The following LBP variants were observed in gnomAD, a reference collection of about 807,000 sequenced individuals.
LBP encodes the protein lipopolysaccharide binding protein.
LBP carries 53 observed loss-of-function variants against 56.6 expected under a neutral mutation model. The ratio of observed to expected loss-of-function variants is 0.94; its 90% confidence interval spans 0.75 to 1.18. The LOEUF (loss-of-function observed/expected upper bound fraction) is 1.18, where lower values mean the gene tolerates loss of function less well. Ranked by LOEUF, LBP falls within the 50% of genes most tolerant of loss-of-function variation. The pLI is 0.00. For missense variants in LBP, 601 were observed against 598.3 expected, an observed-to-expected ratio of 1.00 and a Z score of -0.05; for synonymous variants, 227 against 247.5, an observed-to-expected ratio of 0.92 and a Z score of 0.78.
intron 3 of LBP, among the ~76,000 whole-genome samples, chr20:38,353,627 C>T (rs1011679951): frequency 6.6e-6 from 1 of 151,468 alleles, no homozygotes; most frequent in Non-Finnish European, 1.5e-5. Flanking sequence ...TATGTTAGAA[C>T]GAGGAGAGAT....
intron 11 of LBP, 28 bp from the exon 12 acceptor site, chr20:38,371,251 AC>A (rs772693417): frequency 6.2e-7 from 1 of 1,602,778 alleles, no homozygotes; most frequent in South Asian, 1.1e-5. Flanking sequence ...TAAAGCCCAC[AC>A]CTTTTAATCT....
intron 7 of LBP, among the ~76,000 whole-genome samples, chr20:38,364,356 G>T (rs183920320): frequency 3.6e-4 from 54 of 151,360 alleles, no homozygotes; most frequent in African/African-American, 1.3e-3. Context: ...AGTGTAGATG[G>T]GCCTAGGGCA....
At chr20:38,362,053 C>CTTTTTTTTTTT (rs1229689650) in intron 6 of LBP, among the ~76,000 whole-genome samples, 2 of 117,672 alleles carry the variant, frequency 1.7e-5, no homozygotes, top group East Asian at 2.5e-4. Flanking sequence ...TTTTTGTTTT[C>CTTTTTTTTTTT]TTTTTTTTTT....
chr20:38,356,873 T>C (rs970977402), intron 5 of LBP, among the ~76,000 whole-genome samples: 5 of 152,116 alleles, frequency 3.3e-5, no homozygotes, highest in Admixed American at 2.0e-4. Flanking sequence ...TTTTTTTAAT[T>C]GAGACAGAGT....
rs2232615 is a variant in LBP at position 38,369,104 on chromosome 20, T to C, written c.1091T>C (p.Ile364Thr). Reference protein sequence around the residue: ...GNLSVDPYMEIDAFVLLPSSS... With the variant: ...GNLSVDPYMETDAFVLLPSSS... ...CTGTCTGTGGACCCCTATATGGAGA[T>C]AGATGCCTTTGTGCTCCTGCCCAGC... Residue 364 changes from isoleucine (I) to threonine (T), a missense_variant, in exon 10 of 15, where the codon ATA (isoleucine) becomes ACA (threonine). Transcript: ENST00000217407. 1,085 of 1,614,186 alleles carry C rather than the reference T, an allele frequency of 6.7e-4. 8 individuals carry two copies. In the African/African-American group the frequency reaches 0.013, roughly 19 times the overall value.
At chr20:38,355,227 G>A (rs1448674596) in intron 4 of LBP, 119 bp from the exon 5 acceptor site, 11 of 843,590 alleles carry the variant, frequency 1.3e-5, no homozygotes, top group South Asian at 4.2e-5. Flanking sequence ...ACAGCAGGGC[G>A]CCGGGAAGGG....
intron 9 of LBP, among the ~76,000 whole-genome samples, chr20:38,368,296 C>T (rs2076889729): frequency 6.6e-6 from 1 of 151,922 alleles, no homozygotes; most frequent in South Asian, 2.1e-4. Flanking sequence ...CAATACCTGC[C>T]GAAAGTTTTA....
chr20:38,360,572 C>T, intron 5 of LBP, 132 bp from the exon 6 acceptor site: 1 of 649,922 alleles, frequency 1.5e-6, no homozygotes, highest in Non-Finnish European at 2.8e-6. Context: ...TGGCTCATGA[C>T]AAGCACTTAT....
intron 14 of LBP, 139 bp downstream of exon 14, chr20:38,374,152 C>T: frequency 1.3e-6 from 1 of 792,112 alleles, no homozygotes; most frequent in Non-Finnish European, 2.1e-6. Context: ...GACGGGTGCT[C>T]CTGGGCCTTG....
chr20:38,361,321 G>A (rs1398303043), intron 6 of LBP, among the ~76,000 whole-genome samples: 6 of 152,052 alleles, frequency 3.9e-5, no homozygotes, highest in Non-Finnish European at 7.4e-5. Context: ...AGACATTCAT[G>A]TATGTATTAT....
intron 5 of LBP, among the ~76,000 whole-genome samples, chr20:38,355,868 C>T (rs2076837166): frequency 6.6e-6 from 1 of 151,958 alleles, no homozygotes; most frequent in South Asian, 2.1e-4. Context: ...TCAGACTGGC[C>T]TGTTAAAAAG....
Position 38,369,177 on chromosome 20 carries a change from C to A in LBP, c.1149+15C>A, listed in dbSNP as rs374187196. The A allele has an allele frequency of 2.5e-6, 4 of 1,596,568 alleles. No homozygotes were observed. The highest frequency in any genetic ancestry group is 3.4e-6 in the Non-Finnish European group (4 of 1,172,924). ...GGCTCAGTGTGGTAAGGTTCAGAGC[C>A]TTTGCAAATGCTGTTTCCTTTTCCC... is the stretch of plus-strand genomic sequence containing the variant. On this transcript the variant is annotated intron_variant, in intron 10 of 14. Transcript: ENST00000217407.
At chr20:38,355,231 G>A (rs145200312) in intron 4 of LBP, 115 bp from the exon 5 acceptor site, 27 of 892,916 alleles carry the variant, frequency 3.0e-5, no homozygotes, top group Middle Eastern at 5.4e-4. Flanking sequence ...CAGGGCGCCG[G>A]GAAGGGGTGG....
intron 8 of LBP, 53 bp from the exon 9 acceptor site, chr20:38,366,716 C>G: frequency 6.6e-7 from 1 of 1,523,880 alleles, no homozygotes; most frequent in Non-Finnish European, 9.1e-7. Context: ...CTTCTTTAGA[C>G]CTTCAGCTCC....
At chr20:38,364,114 T>A in intron 7 of LBP, 48 bp downstream of exon 7, 1 of 1,315,276 alleles carries the variant, frequency 7.6e-7, no homozygotes, top group Non-Finnish European at 1.1e-6. Context: ...TCCCTCAGGG[T>A]CAGCCATTCT....
intron 5 of LBP, among the ~76,000 whole-genome samples, chr20:38,356,551 G>A (rs1442651643): frequency 6.6e-6 from 1 of 152,156 alleles, no homozygotes; most frequent in Non-Finnish European, 1.5e-5. Context: ...GGTGTGGCCA[G>A]CTGTGCTCTT....
chr20:38,354,445 T>A lies in LBP; in HGVS notation c.524+6T>A. 6.2e-7 allele frequency: 1 copy of A among 1,606,838 alleles called. No individual in the cohort carries two copies. The highest frequency in any genetic ancestry group is 8.5e-7 in the Non-Finnish European group (1 of 1,176,324). On this transcript the variant is annotated splice_donor_region_variant and intron_variant, in intron 4 of 14. Coordinates refer to ENST00000217407, the MANE Select transcript of LBP (RefSeq NM_004139.5). ...GACATGTCGGGAGACTTGGGGTAGG[T>A]CTCCATCGGGGCACTGCCAGCTGGA...
At chr20:38,369,290 C>G in intron 10 of LBP, 128 bp downstream of exon 10, 1 of 925,462 alleles carries the variant, frequency 1.1e-6, no homozygotes, top group Non-Finnish European at 1.6e-6. Flanking sequence ...TATTACTTCC[C>G]GAGAGAGGGC....
At chr20:38,365,522 CCTCAT>C (rs2076877468) in intron 8 of LBP, among the ~76,000 whole-genome samples, 1 of 151,408 alleles carries the variant, frequency 6.6e-6, no homozygotes, top group Non-Finnish European at 1.5e-5. Flanking sequence ...CATGGCAAAA[CCTCAT>C]CTCTACTAAA....
Sources: gnomAD v4.1 joint callset for allele counts (sites outside exome capture counted in the v4.1 genomes callset) on GRCh38, gnomAD v4.1.1 for gene constraint, MANE v1.5 for transcripts, NCBI Gene and HGNC (gene_info 2026-07-23, HGNC 2026-07-21) for gene names.